CSE1L: variants seen among roughly 807,000 people sequenced by gnomAD.
CSE1L encodes the protein chromosome segregation 1 like, also known as exportin-2.
CSE1L carries 24 observed loss-of-function variants against 120.4 expected under a neutral mutation model. The ratio of observed to expected loss-of-function variants is 0.20; its 90% CI spans 0.14 to 0.28. CSE1L has a LOEUF of 0.28. Ranked by LOEUF, CSE1L falls within the 10% of genes least tolerant of loss-of-function variation. The probability of loss-of-function intolerance (pLI) is 1.00; values close to 1 mark genes in which losing one functional copy is unlikely to be tolerated. For missense variants in CSE1L, 830 were observed against 1,145.2 expected, an observed-to-expected ratio of 0.72 and a Z score of 3.97; for synonymous variants, 402 against 398.3, an observed-to-expected ratio of 1.01 and a Z score of -0.11.
chr20:49,072,303 C>T lies in CSE1L; in HGVS notation c.786C>T (p.Gly262=), dbSNP rs772920435. 4 of 1,613,948 alleles carry T rather than the reference C, an allele frequency of 2.5e-6. No homozygotes were observed. Among genetic ancestry groups the T allele is most frequent in the East Asian group, 2.2e-5 (1 of 44,868 alleles). The change falls in exon 9 of 25, where the codon GGC becomes GGT. Residue 262 remains glycine (G), a synonymous_variant. Coordinates refer to ENST00000262982, the MANE Select transcript of CSE1L (RefSeq NM_001316.4). ...TATGTGAGGATGAAGAGGAAGCCGG[C>T]TTATTGGAGCTCTTAAAATCCCAGA... ...LLQTDDEEEA[G]LLELLKSQIC...
At position 49,088,118 on chromosome 20, in the gene CSE1L, A is replaced by G. The variant is rs540043858; in HGVS notation, c.1821+12A>G. 24 of 1,571,312 alleles carry G rather than the reference A, an allele frequency of 1.5e-5. No homozygotes were observed. Among genetic ancestry groups the G allele is most frequent in the Non-Finnish European group, 2.0e-5 (23 of 1,144,688 alleles). ...TAGCTGTTAGTAAGGTAATAGAGCC[A>G]ATTTTGAAAGTGGGGTTCCTTTTTT... On this transcript the variant is annotated intron_variant, in intron 17 of 24. Transcript: ENST00000262982.
intron 14 of CSE1L, among the ~76,000 whole-genome samples, chr20:49,083,633 TA>T (rs1376279736): frequency 6.6e-6 from 1 of 152,234 alleles, no homozygotes; most frequent in East Asian, 1.9e-4. Flanking sequence ...ATTGTTCTCG[TA>T]TTTGTTGCTT....
At chr20:49,078,088 T>C (rs749804310) in intron 13 of CSE1L, among the ~76,000 whole-genome samples, 1 of 152,222 alleles carries the variant, frequency 6.6e-6, no homozygotes, top group Non-Finnish European at 1.5e-5. Flanking sequence ...AAAAATATTT[T>C]AATGTAGGAA....
At position 49,084,065 on chromosome 20, in the gene CSE1L, A is replaced by G; in HGVS notation, c.1522A>G (p.Ile508Val). ...EHLLVSIPLL[I>V]NHLQAESIVV... ...TCTTTTAGTCTCGATTCCTCTCTTG[A>G]TTAATCATCTTCAAGCTGAAAGTAT... The change falls in exon 15 of 25, where the codon ATT becomes GTT. Residue 508 changes from isoleucine (I) to valine (V), a missense_variant. Ile to Val is a conservative substitution (Grantham distance 29). Around this residue, in one of 4 missense-constraint regions of CSE1L, gnomAD observed 543 missense variants for 640.2 expected, o/e 0.85. Transcript: ENST00000262982. The G allele has an allele frequency of 6.2e-7, 1 of 1,613,892 alleles. No individual in the cohort carries two copies. Among genetic ancestry groups the G allele is most frequent in the Non-Finnish European group, 8.5e-7 (1 of 1,179,878 alleles).
chr20:49,089,754 A>G lies in CSE1L; in HGVS notation c.2181+8A>G. Reference sequence around the variant, plus strand: ...GCTGCAGCTGACAAAATTGTGCGTCAGGTTTTGATATAACTGTAATTTTAT... The same window carrying G: ...GCTGCAGCTGACAAAATTGTGCGTCGGGTTTTGATATAACTGTAATTTTAT... On this transcript the variant is annotated splice_region_variant and intron_variant, in intron 19 of 24. Transcript: ENST00000262982. 1 of 1,612,818 alleles carries G rather than the reference A, an allele frequency of 6.2e-7. No homozygotes were observed. The highest frequency in any genetic ancestry group is 8.5e-7 in the Non-Finnish European group (1 of 1,178,822).
intron 5 of CSE1L, among the ~76,000 whole-genome samples, chr20:49,066,956 T>C (rs1386137276): frequency 1.5e-5 from 2 of 135,654 alleles, no homozygotes; most frequent in Non-Finnish European, 3.0e-5. Flanking sequence ...CACTTGAGCC[T>C]GGGAGGTGGA....
chr20:49,068,326 C>T (rs549146591), intron 6 of CSE1L, among the ~76,000 whole-genome samples: 12 of 152,128 alleles, frequency 7.9e-5, no homozygotes, highest in African/African-American at 1.7e-4. Flanking sequence ...TGGTGGCTCA[C>T]GCCTGTAATC....
intron 16 of CSE1L, 89 bp downstream of exon 16, chr20:49,085,475 T>G: frequency 2.6e-6 from 2 of 781,980 alleles, no homozygotes; most frequent in Non-Finnish European, 4.1e-6. Context: ...GGTTATACAG[T>G]CTATGAACCA....
In CSE1L at chr20:49,096,352, C is replaced by G; in HGVS notation, c.2830C>G (p.Pro944Ala). ...KLSTACPGRV[P>A]SMVSTSLNAE... ...GTGTGTTTCCCATCTCTTGTAGGTT[C>G]CATCAATGGTGAGCACCAGCCTGAA... The change falls in exon 25 of 25, where the codon CCA becomes GCA. Residue 944 changes from proline (P) to alanine (A), a missense_variant. By Grantham distance (27) the Pro-to-Ala change is conservative. Around this residue, in one of 4 missense-constraint regions of CSE1L, gnomAD observed 112 missense variants for 200.0 expected, o/e 0.56. Transcript: ENST00000262982. 6.2e-7 allele frequency: 1 copy of G among 1,613,290 alleles called. No homozygotes were observed. Among genetic ancestry groups the G allele is most frequent in the Non-Finnish European group, 8.5e-7 (1 of 1,179,308 alleles).
chr20:49,092,064 A>G lies in CSE1L; in HGVS notation c.2384A>G (p.Asn795Ser), dbSNP rs2145755923. 6.4e-7 allele frequency: 1 copy of G among 1,570,484 alleles called. No homozygotes were observed. Among genetic ancestry groups the G allele is most frequent in the East Asian group, 2.2e-5 (1 of 44,542 alleles). Reference protein sequence around the residue: ...KFIKSFLVFINLYCIKYGALA... With the variant: ...KFIKSFLVFISLYCIKYGALA... The stretch of plus-strand genomic sequence containing the variant: ...TCAACAGGTTTTTTAGTCTTTATTA[A>G]TTTGTATTGCATAAAATATGGGGCA... Residue 795 changes from asparagine (N) to serine (S), a missense_variant, in exon 22 of 25, where the codon AAT becomes AGT. By Grantham distance (46) the Asn-to-Ser change is conservative. This residue lies in a region of CSE1L where 7 missense variants were observed against 37.2 expected (regional missense o/e 0.19). Transcript: ENST00000262982.
chr20:49,084,082 T>C lies in CSE1L; in HGVS notation c.1539T>C (p.Ala513=), dbSNP rs2092034813. The C allele has an allele frequency of 6.2e-7, 1 of 1,614,062 alleles. No individual in the cohort carries two copies. The highest frequency in any genetic ancestry group is 1.3e-5 in the African/African-American group (1 of 75,070). ...CTCTCTTGATTAATCATCTTCAAGC[T>C]GAAAGTATTGTTGTTCATACTTACG... The part of the protein sequence containing the change: ...SIPLLINHLQ[A]ESIVVHTYAA... The change falls in exon 15 of 25, where the codon GCT becomes GCC. Residue 513 remains alanine, a synonymous_variant. Transcript: ENST00000262982.
In CSE1L at chr20:49,067,456, T is replaced by A. The variant is rs533474751; in HGVS notation, c.567+176T>A. On this transcript the variant is annotated intron_variant, in intron 6 of 24. Transcript: ENST00000262982. ...AGATGCTATAGTGAACTCCCATCTA[T>A]TATTACACAAATTTAATGGTTAGCA... 2.6e-5 allele frequency among the ~76,000 whole-genome samples: 4 copies of A among 152,318 alleles called. No homozygotes were observed. The South Asian group carries it at 8.3e-4, about 32-fold the overall frequency.
chr20:49,049,515 T>C (rs947928444), intron 1 of CSE1L, among the ~76,000 whole-genome samples: 1 of 152,188 alleles, frequency 6.6e-6, no homozygotes, highest in South Asian at 2.1e-4. Context: ...TGAGTCATTT[T>C]TAGATCAGTA....
At chr20:49,049,804 G>A (rs1345453535) in intron 1 of CSE1L, among the ~76,000 whole-genome samples, 2 of 152,158 alleles carry the variant, frequency 1.3e-5, no homozygotes, top group African/African-American at 2.4e-5. Flanking sequence ...CAAGGTGGGC[G>A]GATCACTTGA....
At chr20:49,074,000 A>G (rs2091950686) in intron 10 of CSE1L, among the ~76,000 whole-genome samples, 1 of 152,004 alleles carries the variant, frequency 6.6e-6, no homozygotes, top group African/African-American at 2.4e-5. Flanking sequence ...GGAACACTTG[A>G]GCCCAGGAGT....
Position 49,078,632 on chromosome 20 carries a change from T to G in CSE1L, c.1482+10T>G, listed in dbSNP as rs1353996079. ...GATTTTTAGAAATCAAGTAAGTAGC[T>G]TTTTATTTGTTACACGCCACTTAAT... is the stretch of plus-strand genomic sequence containing the variant. On this transcript the variant is annotated intron_variant, in intron 14 of 24. Transcript: ENST00000262982. 1.3e-6 allele frequency: 2 copies of G among 1,527,228 alleles called. No homozygotes were observed. Among genetic ancestry groups the G allele is most frequent in the South Asian group, 2.4e-5 (2 of 82,628 alleles). 94.6% of individuals were successfully genotyped at this position (1,527,228 alleles called of 1,614,324 possible). A position where few individuals can be genotyped will look rare whatever the true frequency, so the allele number is the denominator to read the frequency against.
chr20:49,065,461 T>A lies in CSE1L; in HGVS notation c.229-731T>A, dbSNP rs972290819. Among the ~76,000 whole-genome samples the A allele has an allele frequency of 4.6e-5, 7 of 151,316 alleles. No individual in the cohort carries two copies. In the East Asian group the frequency reaches 1.4e-3, roughly 29 times the overall value. On this transcript the variant is annotated intron_variant, in intron 3 of 24. Transcript: ENST00000262982. ...CCTCAGCCTCCTGAGTAGTTAGTGT[T>A]ACAGGTGCCCACCACCATGTTCAGC...
At chr20:49,087,884 C>T (rs961093690) in intron 16 of CSE1L, 125 bp from the exon 17 acceptor site, 1 of 609,118 alleles carries the variant, frequency 1.6e-6, no homozygotes, top group Non-Finnish European at 2.8e-6. Flanking sequence ...AGAGAGCTAT[C>T]TCGGGGTTGT....
intron 3 of CSE1L, among the ~76,000 whole-genome samples, chr20:49,065,002 T>G (rs2123687817): frequency 6.6e-6 from 1 of 150,988 alleles, no homozygotes; most frequent in Non-Finnish European, 1.5e-5. Context: ...ACAAAAAAAT[T>G]TAAAATTAGC....
Sources: gnomAD v4.1 joint callset for allele counts (sites outside exome capture counted in the v4.1 genomes callset) on GRCh38, gnomAD v4.1.1 for gene constraint, gnomAD v4.1.1 regional missense constraint, MANE v1.5 for transcripts, NCBI Gene and HGNC (gene_info 2026-07-23, HGNC 2026-07-21) for gene names.